DCLRE1C: variants seen among roughly 807,000 people sequenced by gnomAD.
DCLRE1C encodes the protein protein artemis.
A neutral mutation model predicts 61.4 loss-of-function variants in DCLRE1C; 47 were observed. The ratio of observed to expected loss-of-function variants is 0.77; its 90% confidence interval spans 0.61 to 0.98. The LOEUF is 0.98. Among genes scored for constraint, DCLRE1C ranks in the 50% least tolerant of loss-of-function variants. DCLRE1C has a pLI of 0.00. For missense variants in DCLRE1C, 858 were observed against 816.0 expected (o/e 1.05, Z -0.63); for synonymous variants, 337 against 287.6 (o/e 1.17, Z -1.74).
intron 8 of DCLRE1C, among the ~76,000 whole-genome samples, chr10:14,933,195 C>A (rs1356017259): frequency 6.6e-6 from 1 of 152,150 alleles, no homozygotes; most frequent in East Asian, 1.9e-4. Context: ...ACACTCGGCT[C>A]AGGGATGTCA....
intron 13 of DCLRE1C, among the ~76,000 whole-genome samples, chr10:14,911,999 G>T (rs2131809151): frequency 6.6e-6 from 1 of 152,360 alleles, no homozygotes; most frequent in Non-Finnish European, 1.5e-5. Context: ...AATGTATTCA[G>T]TGTGGGAATG....
chr10:14,934,656 A>T (rs752990569), intron 7 of DCLRE1C, 47 bp downstream of exon 7: 1 of 1,611,592 alleles, frequency 6.2e-7, no homozygotes, highest in Non-Finnish European at 8.5e-7. Flanking sequence ...CCTACTAAAA[A>T]CACGGGCACA....
intron 11 of DCLRE1C, chr10:14,923,616 AAC>A (rs1389837014): frequency 6.4e-6 from 1 of 157,402 alleles, no homozygotes; most frequent in Non-Finnish European, 1.4e-5. Flanking sequence ...CAGCCTGGGC[AAC>A]ACAGAGACAC....
chr10:14,939,997 A>G, intron 3 of DCLRE1C, 128 bp from the exon 4 acceptor site: 1 of 661,704 alleles, frequency 1.5e-6, no homozygotes, highest in Non-Finnish European at 2.6e-6. Flanking sequence ...TTCCGATTAC[A>G]TTGTAATAAA....
At chr10:14,904,517 T>TTAAA (rs1328981517), downstream of DCLRE1C, among the ~76,000 whole-genome samples, 10 of 152,218 alleles carry the variant, frequency 6.6e-5, no homozygotes, top group Non-Finnish European at 1.5e-4. Context: ...AATCAGTGTT[T>TTAAA]TACCATCTAG....
chr10:14,938,788 C>T (rs1486383595), intron 4 of DCLRE1C, among the ~76,000 whole-genome samples: 5 of 152,206 alleles, frequency 3.3e-5, no homozygotes, highest in South Asian at 2.1e-4. Context: ...AAATTCTGAG[C>T]ATTATAAAAC....
At chr10:14,901,877 A>G (rs780235170), downstream of DCLRE1C, among the ~76,000 whole-genome samples, 1 of 152,202 alleles carries the variant, frequency 6.6e-6, no homozygotes, top group Non-Finnish European at 1.5e-5. Flanking sequence ...TGAGAGATGT[A>G]TATTCAAAAG....
exon 14 of DCLRE1C, chr10:14,899,132 C>G (rs1224774168): frequency 1.5e-6 from 1 of 675,678 alleles, no homozygotes; most frequent in Admixed American, 2.1e-5. Flanking sequence ...CCAGTGTGGG[C>G]AACATAGTGA....
intron 11 of DCLRE1C, chr10:14,923,283 TG>T: frequency 1.8e-6 from 1 of 541,754 alleles, no homozygotes; most frequent in Non-Finnish European, 3.3e-6. Context: ...TGAGTACTAG[TG>T]GGCCTAGAAA....
rs1839772419 is a variant in DCLRE1C, at chr10:14,935,569, AAAAG to A, written c.363-9_363-6del. ...TTATTGCCCTGAAATAAAAACCTGA[AAAAG>A]AAATATATCCCAGTGACTTCTGAGT... On this transcript the variant is annotated splice_polypyrimidine_tract_variant and splice_region_variant and intron_variant, in intron 5 of 13. Transcript: ENST00000378278. The A allele has an allele frequency of 6.2e-7, 1 of 1,613,326 alleles. No homozygotes were observed.
intron 8 of DCLRE1C, among the ~76,000 whole-genome samples, chr10:14,934,147 G>C (rs1839486005): frequency 2.6e-5 from 4 of 151,994 alleles, no homozygotes; most frequent in Admixed American, 6.6e-5. Context: ...GGCCAACATG[G>C]TGAAATGTCG....
At chr10:14,948,469 ATT>A (rs1842002208) in intron 2 of DCLRE1C, among the ~76,000 whole-genome samples, 1 of 152,210 alleles carries the variant, frequency 6.6e-6, no homozygotes, top group African/African-American at 2.4e-5. Context: ...TGGAACAGCC[ATT>A]CTCTCTCATA....
chr10:14,948,818 C>G (rs1278042671), intron 2 of DCLRE1C, among the ~76,000 whole-genome samples: 1 of 149,958 alleles, frequency 6.7e-6, no homozygotes, highest in African/African-American at 2.5e-5. Context: ...CAAAGCTAAC[C>G]CATGATGACA....
rs41304326 is a variant in DCLRE1C at position 14,949,626 on chromosome 10, G to A, written c.110-539C>T. Among the ~76,000 whole-genome samples, 834 of 152,356 alleles carry A rather than the reference G, an allele frequency of 5.5e-3. 3 individuals are homozygous for A. Among genetic ancestry groups the A allele is most frequent in the Middle Eastern group, 0.024 (7 of 294 alleles). On this transcript the variant is annotated intron_variant, in intron 1 of 13. Coordinates refer to ENST00000378278, the MANE Select transcript of DCLRE1C (RefSeq NM_001033855.3). ...TGCTCCACAGCGCTCCACATTAACA[G>A]ACACAGACAACAGAAAGGTAGCAAT...
At chr10:14,949,748 T>C (rs560666494) in intron 1 of DCLRE1C, among the ~76,000 whole-genome samples, 1 of 152,248 alleles carries the variant, frequency 6.6e-6, no homozygotes, top group East Asian at 1.9e-4. Flanking sequence ...CAGCTCTAAA[T>C]TGTTTAACTA....
At chr10:14,929,930 C>CT (rs1838687274) in intron 9 of DCLRE1C, among the ~76,000 whole-genome samples, 1 of 151,980 alleles carries the variant, frequency 6.6e-6, no homozygotes, top group Admixed American at 6.6e-5. Context: ...CTAAAAAAAT[C>CT]TTTTAAGCGG....
In DCLRE1C at chr10:14,906,638, T is replaced by C. The variant is rs1834416478; in HGVS notation, c.*1770A>G. On this transcript the variant is annotated 3_prime_UTR_variant, in exon 14 of 14. Coordinates refer to ENST00000378278, the MANE Select transcript of DCLRE1C (RefSeq NM_001033855.3). Reference sequence around the variant, plus strand: ...GTCTGGTGGATCCAATACTTTTTGGTCGGATTGCCATGCAGCATCATGATA... The same window carrying C: ...GTCTGGTGGATCCAATACTTTTTGGCCGGATTGCCATGCAGCATCATGATA... 6.6e-6 allele frequency among the ~76,000 whole-genome samples: 1 copy of C among 152,212 alleles called. No individual in the cohort carries two copies. The highest frequency in any genetic ancestry group is 2.4e-5 in the African/African-American group (1 of 41,450).
rs1839795021 is a variant in DCLRE1C, at chr10:14,935,695, C to T, written c.363-131G>A. The T allele has an allele frequency of 4.2e-6, 4 of 959,330 alleles. No individual in the cohort carries two copies. In the African/African-American group the frequency reaches 6.5e-5, roughly 16 times the overall value. The allele number at this position is 959,330 out of a possible 1,614,324, so 59.4% of individuals were successfully genotyped here. On this transcript the variant is annotated intron_variant, in intron 5 of 13. Coordinates refer to ENST00000378278, the MANE Select transcript of DCLRE1C (RefSeq NM_001033855.3). ...ACAATACAATGGTAATGGAATTCCA[C>T]AGTAATTTGAACCACACCAGGCACT...
intron 8 of DCLRE1C, among the ~76,000 whole-genome samples, chr10:14,934,070 A>G (rs1255086777): frequency 1.3e-5 from 2 of 152,086 alleles, no homozygotes; most frequent in African/African-American, 4.8e-5. Flanking sequence ...GCTCAGGCCT[A>G]TAATCCCAGC....
Sources: allele counts gnomAD v4.1 joint callset (sites outside exome capture counted in the v4.1 genomes callset), GRCh38; gene constraint gnomAD v4.1.1; transcripts MANE v1.5; gene names NCBI Gene and HGNC (gene_info 2026-07-23, HGNC 2026-07-21).